Variants in KDM2A observed in about 807,000 individuals in gnomAD.
KDM2A encodes lysine demethylase 2A.
In KDM2A, 3 loss-of-function variants were observed where a neutral mutation model predicts 137.3. That is an observed-to-expected ratio of 0.02 (90% CI 0.01 to 0.06). The LOEUF (loss-of-function observed/expected upper bound fraction) is 0.06. Among genes scored for constraint, KDM2A ranks in the 10% least tolerant of loss-of-function variants. KDM2A has a pLI of 1.00. For synonymous variants in KDM2A, 512 were observed against 541.5 expected (o/e 0.95, Z 0.76); for missense variants, 738 against 1,510.6 (o/e 0.49, Z 8.48).
intron 5 of KDM2A, among the ~76,000 whole-genome samples, chr11:67,197,958 A>G (rs1857520712): frequency 6.6e-6 from 1 of 151,546 alleles, no homozygotes; most frequent in Non-Finnish European, 1.5e-5. Flanking sequence ...ATTTTATGTT[A>G]TACATATTAT....
intron 5 of KDM2A, among the ~76,000 whole-genome samples, chr11:67,192,417 T>C (rs1857377364): frequency 6.6e-6 from 1 of 151,368 alleles, no homozygotes; most frequent in Non-Finnish European, 1.5e-5. Context: ...AATGGACATT[T>C]ACTTTGTTTC....
Position 67,250,895 on chromosome 11 carries a change from G to T in KDM2A, c.2768+97G>T. 1 of 944,446 alleles carries T rather than the reference G, an allele frequency of 1.1e-6. No homozygotes were observed. The highest frequency in any genetic ancestry group is 1.6e-6 in the Non-Finnish European group (1 of 619,518). The allele number at this position is 944,446 out of a possible 1,614,324, so 58.5% of individuals were successfully genotyped here. On this transcript the variant is annotated intron_variant, in intron 17 of 20. Coordinates refer to ENST00000529006, the MANE Select transcript of KDM2A (RefSeq NM_012308.3). This position sits in a 1 kb window ranked among gnomAD's most constrained non-coding sequence, Gnocchi z 7.1. ...CATGCACCTTGGCATCTGAAAGCCT[G>T]TGGGGTCTTATGAGGAGTGAATTGA... is the stretch of plus-strand genomic sequence containing the variant.
chr11:67,252,673 T>C (rs760608976), intron 17 of KDM2A, 21 bp from the exon 18 acceptor site: 17 of 1,613,582 alleles, frequency 1.1e-5, no homozygotes, highest in Non-Finnish European at 1.4e-5. Flanking sequence ...TGAAGGCGAG[T>C]TCTCTTCCCT....
intron 2 of KDM2A, among the ~76,000 whole-genome samples, chr11:67,168,440 T>C (rs1856795749): frequency 1.3e-5 from 2 of 152,246 alleles, no homozygotes; most frequent in South Asian, 4.1e-4. Context: ...TGTTGCCCCC[T>C]AGTGGCCAGC....
intron 1 of KDM2A, among the ~76,000 whole-genome samples, chr11:67,120,576 A>G (rs1855576921): frequency 6.6e-6 from 1 of 152,138 alleles, no homozygotes; most frequent in South Asian, 2.1e-4. Context: ...ACTTTATCCA[A>G]AAAGATCAGA....
At chr11:67,188,217 G>A (rs1301099053) in intron 5 of KDM2A, among the ~76,000 whole-genome samples, 1 of 151,734 alleles carries the variant, frequency 6.6e-6, no homozygotes. Flanking sequence ...AGTGACTCAC[G>A]CTTGTAATCC....
At chr11:67,231,409 C>T (rs1435310391) in intron 11 of KDM2A, among the ~76,000 whole-genome samples, 157 bp from the exon 12 acceptor site, 1 of 152,098 alleles carries the variant, frequency 6.6e-6, no homozygotes, top group Non-Finnish European at 1.5e-5. Context: ...TGATTTTGAA[C>T]AGTGGACAAA....
intron 5 of KDM2A, among the ~76,000 whole-genome samples, chr11:67,203,571 T>C (rs1428299179): frequency 6.7e-6 from 1 of 149,624 alleles, no homozygotes; most frequent in Non-Finnish European, 1.5e-5. Context: ...CTGGGCAACA[T>C]AGTGAAACCT....
intron 2 of KDM2A, among the ~76,000 whole-genome samples, chr11:67,150,916 A>G (rs1856370150): frequency 6.6e-6 from 1 of 152,180 alleles, no homozygotes. Context: ...CCTAGTCTTC[A>G]GTCTAAACCT....
At chr11:67,155,876 A>G (rs913740607) in intron 2 of KDM2A, among the ~76,000 whole-genome samples, 1 of 144,250 alleles carries the variant, frequency 6.9e-6, no homozygotes, top group South Asian at 2.3e-4. Flanking sequence ...TCGGCCTCCC[A>G]AAGTGCTGGG....
intron 6 of KDM2A, among the ~76,000 whole-genome samples, chr11:67,208,638 G>T (rs1177843447): frequency 6.6e-6 from 1 of 151,904 alleles, no homozygotes; most frequent in African/African-American, 2.4e-5. Flanking sequence ...AAGCATGGTT[G>T]CATGCGCCTG....
intron 7 of KDM2A, 34 bp from the exon 8 acceptor site, chr11:67,215,822 C>T: frequency 1.3e-6 from 2 of 1,528,506 alleles, no homozygotes; most frequent in Non-Finnish European, 1.8e-6. Context: ...TTTTTTCCAT[C>T]AGTACACTAA....
intron 2 of KDM2A, among the ~76,000 whole-genome samples, chr11:67,145,806 TCATA>T (rs1856230318): frequency 6.6e-6 from 1 of 152,022 alleles, no homozygotes; most frequent in African/African-American, 2.4e-5. Flanking sequence ...TCTTTCTGAA[TCATA>T]CATTTTCCTT....
intron 12 of KDM2A, among the ~76,000 whole-genome samples, chr11:67,242,212 C>T (rs1358700953): frequency 6.6e-6 from 1 of 151,934 alleles, no homozygotes; most frequent in Non-Finnish European, 1.5e-5. Flanking sequence ...AACTTTTGCC[C>T]CTAAGATTGT....
At chr11:67,130,316 T>C (rs1659678298) in intron 2 of KDM2A, among the ~76,000 whole-genome samples, 2 of 152,150 alleles carry the variant, frequency 1.3e-5, no homozygotes, top group African/African-American at 4.8e-5. Context: ...CTAATTTTTA[T>C]ATTGTTTTAG....
intron 5 of KDM2A, chr11:67,196,768 G>C (rs1857492945): frequency 3.8e-6 from 1 of 262,320 alleles, no homozygotes; most frequent in Admixed American, 5.1e-5. Flanking sequence ...AAGATGAACA[G>C]AGTTATGGAG....
chr11:67,240,472 C>A, intron 12 of KDM2A: 1 of 930,224 alleles, frequency 1.1e-6, no homozygotes, highest in Non-Finnish European at 1.6e-6. Context: ...CCGGGCGAGT[C>A]CAGGACAATG....
At chr11:67,171,977 A>G (rs561787825) in intron 2 of KDM2A, among the ~76,000 whole-genome samples, 6 of 152,348 alleles carry the variant, frequency 3.9e-5, no homozygotes, top group Non-Finnish European at 2.9e-5. Flanking sequence ...CTATAGTTTT[A>G]TAGTGAGTTC....
intron 2 of KDM2A, among the ~76,000 whole-genome samples, chr11:67,162,427 C>T (rs969874464): frequency 1.3e-5 from 2 of 152,110 alleles, no homozygotes; most frequent in African/African-American, 4.8e-5. Flanking sequence ...TTTTTTGAGA[C>T]AGAGTCTCGT....
Sources: gnomAD v4.1 joint callset for allele counts (sites outside exome capture counted in the v4.1 genomes callset) on GRCh38, gnomAD v4.1.1 for gene constraint, Gnocchi (gnomAD v3.1) non-coding constraint, MANE v1.5 for transcripts, NCBI Gene and HGNC (gene_info 2026-07-23, HGNC 2026-07-21) for gene names.